COLEC10: variants seen among roughly 807,000 people sequenced by gnomAD.
The protein encoded by COLEC10 is collectin subfamily member 10.
In COLEC10, 22 loss-of-function variants were observed where a neutral mutation model predicts 28.4. That is an observed-to-expected ratio of 0.78 (90% CI 0.55 to 1.11). The LOEUF (loss-of-function observed/expected upper bound fraction) is 1.11. Ranked by LOEUF, COLEC10 falls within the 50% of genes least tolerant of loss-of-function variation. COLEC10 has a pLI of 0.00. For missense variants in COLEC10, 361 were observed against 344.1 expected (o/e 1.05, Z -0.39); for synonymous variants, 125 against 116.1 (o/e 1.08, Z -0.49).
chr8:119,022,441 G>A (rs950656163), intron 2 of COLEC10, among the ~76,000 whole-genome samples: 2 of 151,956 alleles, frequency 1.3e-5, no homozygotes, highest in African/African-American at 2.4e-5. Flanking sequence ...AGATGACCTC[G>A]ATACTAAGCA....
chr8:119,096,951 T>C (rs373883120), intron 3 of COLEC10, among the ~76,000 whole-genome samples: 2 of 152,068 alleles, frequency 1.3e-5, no homozygotes, highest in African/African-American at 4.8e-5. Context: ...ATAAATATAC[T>C]ATCTCAATAT....
intron 2 of COLEC10, among the ~76,000 whole-genome samples, chr8:119,020,153 A>G (rs1814067168): frequency 6.6e-6 from 1 of 152,100 alleles, no homozygotes. Flanking sequence ...GTCCCTAGAC[A>G]TTCAAGGTTG....
At chr8:118,986,851 A>G in the COLEC10 span, among the ~76,000 whole-genome samples, 1 of 152,198 alleles carries the variant, frequency 6.6e-6, no homozygotes, top group South Asian at 2.1e-4. Flanking sequence ...AAATTTATAG[A>G]CACAGAAAAT....
rs760543405 is a variant in COLEC10 at position 119,070,446 on chromosome 8, G to GCTCTCTCTCTCTCTCT, written c.148+3033_148+3048dup. 9.6e-4 allele frequency among the ~76,000 whole-genome samples: 77 copies of GCTCTCTCTCTCTCTCT among 80,596 alleles called. 5 individuals are homozygous for GCTCTCTCTCTCTCTCT. Among genetic ancestry groups the GCTCTCTCTCTCTCTCT allele is most frequent in the African/African-American group, 3.7e-3 (62 of 16,662 alleles). 52.9% of individuals were successfully genotyped at this position (80,596 alleles called of 152,430 possible). A position where few individuals can be genotyped will look rare whatever the true frequency, so the allele number is the denominator to read the frequency against. On this transcript the variant is annotated intron_variant, in intron 1 of 5. Coordinates refer to ENST00000332843, the MANE Select transcript of COLEC10 (RefSeq NM_006438.5). Reference sequence around the variant, plus strand: ...ACAGGAAAATGAAATGTTCTCCCTCGCTCTCTCTCTCTCTCTCTCTCTCTC... The same window carrying GCTCTCTCTCTCTCTCT: ...ACAGGAAAATGAAATGTTCTCCCTCGCTCTCTCTCTCTCTCTCTCTCTCTCTCTCTCTCTCTCTCTC...
intron 2 of COLEC10, among the ~76,000 whole-genome samples, chr8:119,014,097 C>A (rs1586998212): frequency 6.6e-6 from 1 of 150,588 alleles, no homozygotes; most frequent in African/African-American, 2.5e-5. Flanking sequence ...TGACTGTTAT[C>A]CATAAGATCA....
chr8:119,093,242 A>C (rs1815646400), intron 3 of COLEC10, among the ~76,000 whole-genome samples: 1 of 152,186 alleles, frequency 6.6e-6, no homozygotes, highest in African/African-American at 2.4e-5. Context: ...GTCTGAGCTT[A>C]GGCTGTGGCC....
chr8:119,065,321 T>TA (rs1814933022), upstream of COLEC10, among the ~76,000 whole-genome samples: 1 of 152,092 alleles, frequency 6.6e-6, no homozygotes, highest in African/African-American at 2.4e-5. Flanking sequence ...GCAGCGGCAT[T>TA]AGATTCTCAT....
chr8:119,093,421 T>C (rs936849842), intron 3 of COLEC10, among the ~76,000 whole-genome samples: 9 of 152,196 alleles, frequency 5.9e-5, no homozygotes, highest in Non-Finnish European at 1.0e-4. Flanking sequence ...GTGTATTTCC[T>C]TGTGGTTGAA....
chr8:119,102,398 G>A lies in COLEC10; in HGVS notation c.343G>A (p.Ala115Thr). Residue 115 changes from alanine (A) to threonine (T), a missense_variant, in exon 4 of 6, where the codon GCA (alanine) becomes ACA (threonine). Ala to Thr is a moderately conservative substitution (Grantham distance 58, BLOSUM62 0). Around this residue, in one of 3 missense-constraint regions of COLEC10, gnomAD observed 335 missense variants for 308.5 expected, o/e 1.09. Transcript: ENST00000332843. ...LLGIPGEKGKAGTVCDCGRYR... is the reference protein window; with the variant it reads ...LLGIPGEKGKTGTVCDCGRYR... ...TGGAATACCTGGAGAAAAAGGCAAA[G>A]CAGGTACGATATGTTCAATGTTCTC... The A allele has an allele frequency of 6.2e-7, 1 of 1,609,094 alleles. No individual in the cohort carries two copies. The highest frequency in any genetic ancestry group is 1.7e-5 in the Admixed American group (1 of 59,684).
intron 1 of COLEC10, among the ~76,000 whole-genome samples, chr8:119,075,652 C>A (rs1479830813): frequency 6.6e-6 from 1 of 152,086 alleles, no homozygotes; most frequent in Admixed American, 6.6e-5. Flanking sequence ...TATTTAGGCT[C>A]AACTGACACC....
Position 119,106,750 on chromosome 8 carries a change from C to T in COLEC10, c.*559C>T, listed in dbSNP as rs1815953595. Among the ~76,000 whole-genome samples, 1 of 152,136 alleles carries T rather than the reference C, an allele frequency of 6.6e-6. No homozygotes were observed. The highest frequency in any genetic ancestry group is 6.6e-5 in the Admixed American group (1 of 15,260). On this transcript the variant is annotated 3_prime_UTR_variant, in exon 6 of 6. Coordinates refer to ENST00000332843, the MANE Select transcript of COLEC10 (RefSeq NM_006438.5). ...GGCACAGACATAGAAATGCTTTAAC[C>T]CCAAACCTTTATATGGGGGACTTCT... is the stretch of plus-strand genomic sequence containing the variant.
the COLEC10 span, among the ~76,000 whole-genome samples, chr8:118,956,605 C>A: frequency 6.6e-6 from 1 of 152,130 alleles, no homozygotes; most frequent in Non-Finnish European, 1.5e-5. Flanking sequence ...CATCTAGTGC[C>A]TACTCAGTCC....
chr8:118,978,653 C>T, the COLEC10 span, among the ~76,000 whole-genome samples: 1 of 151,828 alleles, frequency 6.6e-6, no homozygotes, highest in African/African-American at 2.4e-5. Flanking sequence ...TATATATATA[C>T]ACATATATGT....
the COLEC10 span, among the ~76,000 whole-genome samples, chr8:118,974,295 C>A: frequency 3.3e-5 from 5 of 151,754 alleles, no homozygotes; most frequent in African/African-American, 1.2e-4. Context: ...TACATGAAGA[C>A]CTATTTGTTA....
chr8:119,001,898 C>T (rs1375339699), intron 1 of COLEC10, among the ~76,000 whole-genome samples: 1 of 152,082 alleles, frequency 6.6e-6, no homozygotes, highest in Non-Finnish European at 1.5e-5. Flanking sequence ...TATGTGATAC[C>T]ACAGCCTGAC....
chr8:119,075,790 C>G (rs532530000), intron 1 of COLEC10, among the ~76,000 whole-genome samples: 1 of 152,110 alleles, frequency 6.6e-6, no homozygotes, highest in African/African-American at 2.4e-5. Context: ...ATTCTACCTC[C>G]CTAACTATGA....
intron 1 of COLEC10, among the ~76,000 whole-genome samples, chr8:119,069,772 G>T (rs1256110434): frequency 6.6e-6 from 1 of 150,426 alleles, no homozygotes; most frequent in Admixed American, 6.7e-5. Context: ...AAAAAGAATA[G>T]TATGATGGTT....
chr8:119,035,088 C>T (rs928689402), intron 2 of COLEC10, among the ~76,000 whole-genome samples: 1 of 152,192 alleles, frequency 6.6e-6, no homozygotes, highest in Non-Finnish European at 1.5e-5. Context: ...AGCCTCTTTA[C>T]AGCACACATC....
intron 1 of COLEC10, among the ~76,000 whole-genome samples, chr8:119,070,264 T>A (rs1196489359): frequency 6.6e-6 from 1 of 152,200 alleles, no homozygotes; most frequent in Non-Finnish European, 1.5e-5. Flanking sequence ...ACAGACATCA[T>A]CAATAGAAAT....
Sources: gnomAD v4.1 joint callset for allele counts (sites outside exome capture counted in the v4.1 genomes callset) on GRCh38, gnomAD v4.1.1 for gene constraint, gnomAD v4.1.1 regional missense constraint, MANE v1.5 for transcripts, NCBI Gene and HGNC (gene_info 2026-07-23, HGNC 2026-07-21) for gene names.